LINGO2: variants seen among roughly 807,000 people sequenced by gnomAD.
The protein encoded by LINGO2 is leucine-rich repeat and immunoglobulin-like domain-containing nogo receptor-interacting protein 2.
A neutral mutation model predicts 30.6 loss-of-function variants in LINGO2; 14 were observed. The observed-to-expected ratio is 0.46, with a 90% CI of 0.30 to 0.72. The LOEUF is 0.72. Among genes scored for constraint, LINGO2 ranks in the 30% least tolerant of loss-of-function variants. The probability of loss-of-function intolerance (pLI) is 0.07; values close to 1 mark genes in which losing one functional copy is unlikely to be tolerated. For missense variants in LINGO2, 729 were observed against 751.7 expected (o/e 0.97, Z 0.35); for synonymous variants, 317 against 288.5 (o/e 1.10, Z -1.00).
At chr9:28,832,067 A>G in the LINGO2 span, among the ~76,000 whole-genome samples, 2 of 152,128 alleles carry the variant, frequency 1.3e-5, no homozygotes, top group Non-Finnish European at 2.9e-5. Context: ...ATTTTTCTCA[A>G]GTTTAATTTC....
intron 4 of LINGO2, among the ~76,000 whole-genome samples, chr9:28,034,184 C>A (rs1823820958): frequency 6.6e-6 from 1 of 152,190 alleles, no homozygotes; most frequent in Non-Finnish European, 1.5e-5. Flanking sequence ...CAGCAGCCTG[C>A]ACACCAGCTG....
intron 4 of LINGO2, among the ~76,000 whole-genome samples, chr9:28,047,838 T>TA (rs1824495005): frequency 2.0e-5 from 3 of 150,758 alleles, no homozygotes; most frequent in Admixed American, 6.7e-5. Flanking sequence ...TTCAGAAGAA[T>TA]AAAGGTAGGT....
At chr9:28,280,835 G>A (rs1291074743) in intron 4 of LINGO2, among the ~76,000 whole-genome samples, 1 of 152,036 alleles carries the variant, frequency 6.6e-6, no homozygotes, top group African/African-American at 2.4e-5. Flanking sequence ...CTAGTCTTCT[G>A]CAAAAAGTTT....
At chr9:28,868,393 G>A in the LINGO2 span, among the ~76,000 whole-genome samples, 2 of 151,994 alleles carry the variant, frequency 1.3e-5, no homozygotes, top group African/African-American at 4.8e-5. Context: ...AGAATAGTGA[G>A]TGAGTGAGTG....
At chr9:28,567,605 T>C (rs1823448662) in intron 1 of LINGO2, among the ~76,000 whole-genome samples, 1 of 151,976 alleles carries the variant, frequency 6.6e-6, no homozygotes, top group African/African-American at 2.4e-5. Context: ...TGTGTACACA[T>C]GGACATAAAG....
At chr9:29,092,810 G>A in the LINGO2 span, among the ~76,000 whole-genome samples, 3 of 136,542 alleles carry the variant, frequency 2.2e-5, 1 homozygote, top group Non-Finnish European at 4.8e-5. Flanking sequence ...ATAATAAGGT[G>A]TAGATTAGGA....
At chr9:28,247,425 AG>A (rs1822042830) in intron 4 of LINGO2, among the ~76,000 whole-genome samples, 1 of 152,240 alleles carries the variant, frequency 6.6e-6, no homozygotes, top group African/African-American at 2.4e-5. Context: ...AGCCACAAAA[AG>A]GAATGAGATC....
intron 3 of LINGO2, among the ~76,000 whole-genome samples, chr9:28,311,435 CG>C: frequency 6.6e-6 from 1 of 152,198 alleles, no homozygotes; most frequent in African/African-American, 2.4e-5. Context: ...AGCCTGGGAG[CG>C]CTACTGGAGA....
At chr9:28,186,108 T>C (rs1005286101) in intron 4 of LINGO2, among the ~76,000 whole-genome samples, 4 of 152,210 alleles carry the variant, frequency 2.6e-5, no homozygotes, top group Non-Finnish European at 5.9e-5. Flanking sequence ...TTCCTTGTCC[T>C]GTCATACTAC....
At chr9:29,003,394 C>A in the LINGO2 span, among the ~76,000 whole-genome samples, 1 of 151,766 alleles carries the variant, frequency 6.6e-6, no homozygotes. Context: ...TATCATTATC[C>A]CACAGGAACC....
exon 6 of LINGO2, chr9:27,950,467 G>T: frequency 1.2e-6 from 2 of 1,608,270 alleles, no homozygotes; most frequent in Non-Finnish European, 1.7e-6. Flanking sequence ...ACGCTTTTTA[G>T]CCTGTTTTTA....
chr9:28,728,021 C>G, the LINGO2 span, among the ~76,000 whole-genome samples: 1 of 152,092 alleles, frequency 6.6e-6, no homozygotes, highest in Non-Finnish European at 1.5e-5. Flanking sequence ...TACTAAGAAC[C>G]AAGGAAACTG....
intron 1 of LINGO2, among the ~76,000 whole-genome samples, chr9:28,561,727 A>ATATG (rs1823079470): frequency 1.1e-5 from 1 of 87,782 alleles, no homozygotes; most frequent in Non-Finnish European, 2.3e-5. Context: ...AATGTATTAT[A>ATATG]TATAATTTTG....
chr9:29,191,857 A>G, the LINGO2 span, among the ~76,000 whole-genome samples: 2 of 152,112 alleles, frequency 1.3e-5, no homozygotes, highest in Non-Finnish European at 2.9e-5. Flanking sequence ...TACGCTGTAA[A>G]CGTTTTTTCT....
At chr9:29,109,650 G>C in the LINGO2 span, among the ~76,000 whole-genome samples, 1 of 152,216 alleles carries the variant, frequency 6.6e-6, no homozygotes, top group Admixed American at 6.5e-5. Flanking sequence ...TGGCAGGAAA[G>C]TGAGTCAGTG....
chr9:28,878,532 C>CAA, the LINGO2 span, among the ~76,000 whole-genome samples: 1 of 152,002 alleles, frequency 6.6e-6, no homozygotes. Flanking sequence ...AGAGACACAA[C>CAA]CAAAAAAGAG....
the LINGO2 span, among the ~76,000 whole-genome samples, chr9:28,858,304 C>T: frequency 6.6e-6 from 1 of 151,996 alleles, no homozygotes; most frequent in Non-Finnish European, 1.5e-5. Flanking sequence ...GGTTGTCAGG[C>T]AGATGAACAT....
chr9:28,368,661 A>G (rs942567739), intron 3 of LINGO2, among the ~76,000 whole-genome samples: 4 of 144,302 alleles, frequency 2.8e-5, no homozygotes, highest in Non-Finnish European at 4.5e-5. Context: ...CAGTGGCGCT[A>G]TCTCGGCTCA....
chr9:28,235,101 G>A (rs1821512500), intron 4 of LINGO2, among the ~76,000 whole-genome samples: 1 of 152,166 alleles, frequency 6.6e-6, no homozygotes, highest in South Asian at 2.1e-4. Context: ...GTCTGACCTG[G>A]CAGAGTCCCA....
Sources: allele counts gnomAD v4.1 joint callset (sites outside exome capture counted in the v4.1 genomes callset), GRCh38; gene constraint gnomAD v4.1.1; transcripts MANE v1.5; gene names NCBI Gene and HGNC (gene_info 2026-07-23, HGNC 2026-07-21).